PCDH15: variants seen among roughly 807,000 people sequenced by gnomAD.
The protein encoded by PCDH15 is protocadherin-15.
A neutral mutation model predicts 178.5 loss-of-function variants in PCDH15; 129 were observed. That is an observed-to-expected ratio of 0.72 (90% CI 0.63 to 0.84). PCDH15 has a LOEUF of 0.84. Among genes scored for constraint, PCDH15 ranks in the 40% least tolerant of loss-of-function variants. The probability of loss-of-function intolerance (pLI) is 0.00; values close to 1 mark genes in which losing one functional copy is unlikely to be tolerated. For missense variants in PCDH15, 2,230 were observed against 2,099.9 expected (o/e 1.06, Z -1.21); for synonymous variants, 800 against 732.0 (o/e 1.09, Z -1.50).
intron 2 of PCDH15, among the ~76,000 whole-genome samples, chr10:54,614,010 T>C (rs1409410927): frequency 6.6e-6 from 1 of 151,950 alleles, no homozygotes; most frequent in Non-Finnish European, 1.5e-5. Flanking sequence ...AACTGTTTCT[T>C]AATAAAACTA....
At chr10:55,568,213 A>G (rs564332701) in intron 2 of PCDH15, among the ~76,000 whole-genome samples, 1 of 152,156 alleles carries the variant, frequency 6.6e-6, no homozygotes, top group South Asian at 2.1e-4. Flanking sequence ...ATACAACAGA[A>G]TATTATTCAA....
chr10:55,077,613 A>C (rs80274269), intron 2 of PCDH15, among the ~76,000 whole-genome samples: 1 of 151,670 alleles, frequency 6.6e-6, no homozygotes, highest in East Asian at 2.0e-4. Flanking sequence ...GCAGTGGCAC[A>C]ATATTGGCTC....
intron 18 of PCDH15, among the ~76,000 whole-genome samples, chr10:54,039,940 C>A (rs2093503379): frequency 6.6e-6 from 1 of 151,938 alleles, no homozygotes; most frequent in Admixed American, 6.6e-5. Flanking sequence ...TGTTTTCCTA[C>A]AATCTCTTCA....
At chr10:53,964,631 G>A (rs536022963) in intron 21 of PCDH15, among the ~76,000 whole-genome samples, 27 of 152,134 alleles carry the variant, frequency 1.8e-4, no homozygotes, top group African/African-American at 6.3e-4. Flanking sequence ...GGGAAATAGA[G>A]AACATTGAAT....
chr10:54,891,460 G>A (rs1954461053), intron 3 of PCDH15, among the ~76,000 whole-genome samples: 1 of 152,060 alleles, frequency 6.6e-6, no homozygotes, highest in African/African-American at 2.4e-5. Flanking sequence ...GTGAGAGGAT[G>A]GTGAATAAAA....
chr10:54,489,903 G>T (rs1416205818), intron 3 of PCDH15, among the ~76,000 whole-genome samples: 1 of 152,110 alleles, frequency 6.6e-6, no homozygotes, highest in Non-Finnish European at 1.5e-5. Context: ...AATTTCAAAT[G>T]AGGAAAATAA....
intron 2 of PCDH15, among the ~76,000 whole-genome samples, chr10:55,401,176 A>G (rs1838053899): frequency 6.6e-6 from 1 of 152,050 alleles, no homozygotes; most frequent in Non-Finnish European, 1.5e-5. Context: ...CGGGAACACT[A>G]CCAGCTTCTA....
intron 2 of PCDH15, among the ~76,000 whole-genome samples, chr10:55,546,371 T>C (rs1450372193): frequency 6.6e-6 from 1 of 152,130 alleles, no homozygotes; most frequent in East Asian, 1.9e-4. Context: ...TGATGAATAA[T>C]TACAAATTTA....
chr10:55,124,041 T>C (rs1404603653), intron 2 of PCDH15, among the ~76,000 whole-genome samples: 4 of 152,108 alleles, frequency 2.6e-5, no homozygotes, highest in Non-Finnish European at 5.9e-5. Context: ...CTAGGTAAAT[T>C]GGGCTGCAAG....
intron 1 of PCDH15, among the ~76,000 whole-genome samples, chr10:54,734,495 C>T (rs558734103): frequency 1.6e-4 from 24 of 151,988 alleles, no homozygotes; most frequent in African/African-American, 5.8e-4. Flanking sequence ...AAATAGTCTG[C>T]CAGTTTTTAA....
chr10:54,745,537 T>C (rs923612731), intron 1 of PCDH15, among the ~76,000 whole-genome samples: 11 of 152,206 alleles, frequency 7.2e-5, no homozygotes, highest in Non-Finnish European at 1.3e-4. Context: ...TTTTCCAACA[T>C]AGCAAATCTG....
chr10:54,049,332 C>T (rs905084667), intron 18 of PCDH15, among the ~76,000 whole-genome samples: 3 of 152,046 alleles, frequency 2.0e-5, no homozygotes, highest in Non-Finnish European at 4.4e-5. Flanking sequence ...ATTTTGACTT[C>T]TTCTGTTCCT....
intron 2 of PCDH15, among the ~76,000 whole-genome samples, chr10:54,541,363 A>C (rs2085200558): frequency 6.6e-6 from 1 of 152,186 alleles, no homozygotes; most frequent in Non-Finnish European, 1.5e-5. Context: ...TTAACATACT[A>C]AAATCATGAC....
chr10:53,806,866 CAT>C lies in PCDH15; in HGVS notation c.4934_4935del (p.His1645ArgfsTer17), dbSNP rs1841204505. On this transcript the variant is annotated frameshift_variant, in exon 38 of 38. Coordinates refer to ENST00000644397, the MANE Select transcript of PCDH15 (RefSeq NM_001384140.1). LOFTEE classifies it high-confidence loss of function. ...AATGTGTTCAGAGGTACATTCTCCT[CAT>C]GTGTCACTGCCAACTTGTCTAGTTT... ...FKKLDKLAVT[H>X]EENVPLNTLS... 3 of 1,613,918 alleles carry C rather than the reference CAT, an allele frequency of 1.9e-6. No homozygotes were observed. The highest frequency in any genetic ancestry group is 2.5e-6 in the Non-Finnish European group (3 of 1,179,840).
chr10:55,502,990 A>T (rs1347945451), intron 2 of PCDH15, among the ~76,000 whole-genome samples: 3 of 151,590 alleles, frequency 2.0e-5, no homozygotes, highest in Non-Finnish European at 4.4e-5. Context: ...TGACAAATTA[A>T]ACATTAATAG....
At chr10:55,216,375 A>G (rs529139968) in intron 1 of PCDH15, among the ~76,000 whole-genome samples, 1 of 152,082 alleles carries the variant, frequency 6.6e-6, no homozygotes, top group African/African-American at 2.4e-5. Flanking sequence ...TCTCTTTGTT[A>G]GAAGTCAATT....
chr10:55,591,072 C>T (rs1842834123), intron 2 of PCDH15, among the ~76,000 whole-genome samples: 1 of 151,950 alleles, frequency 6.6e-6, no homozygotes, highest in Non-Finnish European at 1.5e-5. Flanking sequence ...TATATAATAA[C>T]ATTTATCTTC....
At chr10:54,802,430 A>AC (rs1373908158), upstream of PCDH15, among the ~76,000 whole-genome samples, 1 of 152,170 alleles carries the variant, frequency 6.6e-6, no homozygotes, top group African/African-American at 2.4e-5. Flanking sequence ...TTATAGATGA[A>AC]CCCCTTGAGC....
At chr10:55,494,923 A>G (rs1487304024) in intron 2 of PCDH15, among the ~76,000 whole-genome samples, 1 of 151,848 alleles carries the variant, frequency 6.6e-6, no homozygotes, top group African/African-American at 2.4e-5. Flanking sequence ...ATGAGTATAG[A>G]CACACAGATT....
Sources: allele counts gnomAD v4.1 joint callset (sites outside exome capture counted in the v4.1 genomes callset), GRCh38; gene constraint gnomAD v4.1.1; transcripts MANE v1.5; gene names NCBI Gene and HGNC (gene_info 2026-07-23, HGNC 2026-07-21).